Variants in TRPM3 observed in about 807,000 individuals in gnomAD.
The protein encoded by TRPM3 is long transient receptor potential channel 3.
TRPM3 carries 77 observed loss-of-function variants against 181.2 expected under a neutral mutation model. The ratio of observed to expected loss-of-function variants is 0.42; its 90% CI spans 0.35 to 0.51. The LOEUF (loss-of-function observed/expected upper bound fraction) is 0.51. Ranked by LOEUF, TRPM3 falls within the 20% of genes least tolerant of loss-of-function variation. The pLI is 0.01. For synonymous variants in TRPM3, 745 were observed against 796.4 expected (o/e 0.94, Z 1.09); for missense variants, 1,759 against 2,196.7 (o/e 0.80, Z 3.98).
chr9:70,886,128 AAAGTT>A (rs1301922505), intron 1 of TRPM3, among the ~76,000 whole-genome samples: 1 of 152,238 alleles, frequency 6.6e-6, no homozygotes, highest in African/African-American at 2.4e-5. Flanking sequence ...GTCCTTAGGT[AAAGTT>A]AAGTTAAAAT....
At chr9:70,603,499 G>A in intron 19 of TRPM3, 29 bp from the exon 20 acceptor site, 1 of 1,611,052 alleles carries the variant, frequency 6.2e-7, no homozygotes. Context: ...CAGTGCTCTG[G>A]CTGTTCAGGC....
At chr9:70,877,871 T>C (rs2095898976) in intron 1 of TRPM3, among the ~76,000 whole-genome samples, 1 of 151,354 alleles carries the variant, frequency 6.6e-6, no homozygotes. Flanking sequence ...TATATAACAC[T>C]ATTTATGATT....
intron 1 of TRPM3, among the ~76,000 whole-genome samples, chr9:70,993,531 T>C (rs781533716): frequency 8.6e-5 from 13 of 151,732 alleles, no homozygotes; most frequent in African/African-American, 1.2e-4. Context: ...AATCAAAAGG[T>C]TCAGTTTTGG....
intron 1 of TRPM3, among the ~76,000 whole-genome samples, chr9:71,187,924 T>C (rs1430108794): frequency 2.9e-5 from 4 of 135,834 alleles, no homozygotes; most frequent in Non-Finnish European, 4.8e-5. Flanking sequence ...GATAGATAGA[T>C]AGATAGATAG....
chr9:71,196,967 C>T (rs1428596049), intron 1 of TRPM3, among the ~76,000 whole-genome samples: 1 of 3,682 alleles, frequency 2.7e-4, no homozygotes, highest in Non-Finnish European at 0.016. Flanking sequence ...GTGCTGCACC[C>T]ATTACTCGTC....
chr9:71,391,985 T>C (rs571443589), intron 1 of TRPM3, among the ~76,000 whole-genome samples: 1 of 152,228 alleles, frequency 6.6e-6, no homozygotes, highest in East Asian at 1.9e-4. Context: ...GTTATTTCTA[T>C]GGGCTACAGT....
chr9:71,391,970 T>C (rs768862136), intron 1 of TRPM3, among the ~76,000 whole-genome samples: 26 of 152,050 alleles, frequency 1.7e-4, no homozygotes, highest in Non-Finnish European at 3.1e-4. Flanking sequence ...AATTTAAAGA[T>C]AGAAGTTATT....
At chr9:71,237,069 GAA>G (rs3041693) in intron 1 of TRPM3, among the ~76,000 whole-genome samples, 20 of 134,176 alleles carry the variant, frequency 1.5e-4, no homozygotes, top group African/African-American at 5.5e-4. Flanking sequence ...AAGGGGGGGG[GAA>G]AAAAAGAAAG....
intron 1 of TRPM3, among the ~76,000 whole-genome samples, chr9:71,237,273 T>C (rs976575756): frequency 1.3e-5 from 2 of 152,282 alleles, no homozygotes; most frequent in Admixed American, 6.5e-5. Context: ...AAATCAAACA[T>C]TGTTTTTTTT....
intron 1 of TRPM3, among the ~76,000 whole-genome samples, chr9:71,269,870 A>G (rs2083660024): frequency 6.6e-6 from 1 of 152,218 alleles, no homozygotes; most frequent in African/African-American, 2.4e-5. Flanking sequence ...TTCATATTGA[A>G]ATCCCTGGAT....
At chr9:71,032,035 T>TATA (rs2057464099) in intron 1 of TRPM3, among the ~76,000 whole-genome samples, 9 of 182 alleles carry the variant, frequency 0.049, no homozygotes, top group South Asian at 0.1. Flanking sequence ...ATAATATAAA[T>TATA]ATATATATAT....
At chr9:70,956,282 C>G (rs533423798) in intron 1 of TRPM3, among the ~76,000 whole-genome samples, 1 of 139,036 alleles carries the variant, frequency 7.2e-6, no homozygotes, top group East Asian at 2.1e-4. Context: ...TCATCTCTAC[C>G]AGGAGAAATA....
intron 1 of TRPM3, among the ~76,000 whole-genome samples, chr9:71,426,907 T>C (rs1345384330): frequency 1.3e-5 from 2 of 152,208 alleles, no homozygotes; most frequent in Non-Finnish European, 2.9e-5. Flanking sequence ...ATCTCCTTTT[T>C]ATGTCTGCCA....
intron 7 of TRPM3, among the ~76,000 whole-genome samples, chr9:70,772,633 A>G (rs781631371): frequency 6.6e-6 from 1 of 152,196 alleles, no homozygotes; most frequent in African/African-American, 2.4e-5. Flanking sequence ...ATATCATCAG[A>G]GAATTCTGTT....
intron 1 of TRPM3, among the ~76,000 whole-genome samples, chr9:70,998,204 T>C (rs13288987): frequency 6.9e-6 from 1 of 145,222 alleles, no homozygotes; most frequent in African/African-American, 2.5e-5. Context: ...CATATATACA[T>C]ATATATACAC....
At chr9:70,929,590 C>T (rs1028964419) in intron 1 of TRPM3, among the ~76,000 whole-genome samples, 1 of 152,062 alleles carries the variant, frequency 6.6e-6, no homozygotes, top group Non-Finnish European at 1.5e-5. Context: ...TCTGGATAGT[C>T]CTTGAGGATG....
intron 1 of TRPM3, among the ~76,000 whole-genome samples, chr9:71,407,965 G>A (rs893007468): frequency 5.9e-5 from 9 of 152,200 alleles, no homozygotes; most frequent in South Asian, 2.1e-4. Context: ...AATAGGGCCC[G>A]GAGTGGACCT....
rs995741498 is a variant in TRPM3, at chr9:71,372,483, C to A, written c.183+74170G>T. 6.6e-5 allele frequency among the ~76,000 whole-genome samples: 10 copies of A among 152,172 alleles called. No homozygotes were observed. The South Asian group carries it at 1.7e-3, about 25-fold the overall frequency. On this transcript the variant is annotated intron_variant, in intron 1 of 24. Transcript: ENST00000357533. ...AGGCATTCCTTTTTCTCTGCAACTT[C>A]ACCAGCACCTGTTTTTGGCTTTTGG...
At chr9:70,566,606 G>A (rs1462543998) in intron 22 of TRPM3, among the ~76,000 whole-genome samples, 1 of 152,152 alleles carries the variant, frequency 6.6e-6, no homozygotes, top group South Asian at 2.1e-4. Context: ...TCCACCTCTG[G>A]CCTGATGGTT....
Sources: allele counts gnomAD v4.1 joint callset (sites outside exome capture counted in the v4.1 genomes callset), GRCh38; gene constraint gnomAD v4.1.1; transcripts MANE v1.5; gene names NCBI Gene and HGNC (gene_info 2026-07-23, HGNC 2026-07-21).